The following DCLK1 variants were observed in gnomAD, a reference collection of about 807,000 sequenced individuals.
DCLK1 encodes doublecortin like kinase 1.
In DCLK1, 16 loss-of-function variants were observed where a neutral mutation model predicts 86.2. That is an observed-to-expected ratio of 0.19 (90% CI 0.13 to 0.28). The LOEUF (loss-of-function observed/expected upper bound fraction) is 0.28, where lower values mean the gene tolerates loss of function less well. DCLK1 is among the 10% of genes least tolerant of loss of function. DCLK1 has a pLI of 1.00. For synonymous variants in DCLK1, 369 were observed against 370.5 expected (o/e 1.00, Z 0.05); for missense variants, 590 against 940.2 (o/e 0.63, Z 4.87).
intron 4 of DCLK1, among the ~76,000 whole-genome samples, chr13:35,945,135 G>A (rs1877298488): frequency 6.6e-6 from 1 of 152,102 alleles, no homozygotes; most frequent in East Asian, 1.9e-4. Flanking sequence ...CCCAACCTCA[G>A]GTGATCTGCC....
rs777661116 is a variant in DCLK1, at chr13:35,894,538, G to A, written c.824-23198C>T. Among the ~76,000 whole-genome samples, 8 of 58,498 alleles carry A rather than the reference G, an allele frequency of 1.4e-4. 1 individual carries two copies. The highest frequency in any genetic ancestry group is 2.6e-4 in the Non-Finnish European group (8 of 30,374). 38.4% of individuals were successfully genotyped at this position (58,498 alleles called of 152,430 possible). On this transcript the variant is annotated intron_variant, in intron 4 of 16. Transcript: ENST00000360631. Reference sequence around the variant, plus strand: ...CTCTGCTACACAATCTTATCTTTGAGCAGTGCCTAGAGGCAGGGTGTAAGA... The same window carrying A: ...CTCTGCTACACAATCTTATCTTTGAACAGTGCCTAGAGGCAGGGTGTAAGA...
intron 3 of DCLK1, among the ~76,000 whole-genome samples, chr13:36,023,982 G>T (rs573822258): frequency 7.1e-6 from 1 of 141,124 alleles, no homozygotes; most frequent in African/African-American, 2.6e-5. Flanking sequence ...TGCAACCTCC[G>T]CCTTCTGGTT....
At chr13:35,813,420 C>A (rs111809124) in intron 11 of DCLK1, among the ~76,000 whole-genome samples, 4,605 of 152,232 alleles carry the variant, frequency 0.03, 84 homozygotes, top group African/African-American at 0.045. Context: ...CCTTGTAATT[C>A]TCCTATATGT....
intron 2 of DCLK1, among the ~76,000 whole-genome samples, chr13:36,125,516 A>G (rs1886138074): frequency 6.6e-6 from 1 of 152,252 alleles, no homozygotes; most frequent in African/African-American, 2.4e-5. Context: ...TGAGAAAGAA[A>G]ATAGAGAATG....
chr13:35,802,331 C>CA (rs34124656), intron 15 of DCLK1, among the ~76,000 whole-genome samples: 10,540 of 97,396 alleles, frequency 0.11, 480 homozygotes, highest in Admixed American at 0.19. Context: ...GACCCTGTCT[C>CA]AAAAAAAAAA....
At chr13:35,903,792 T>C (rs1874524058) in intron 4 of DCLK1, among the ~76,000 whole-genome samples, 1 of 152,086 alleles carries the variant, frequency 6.6e-6, no homozygotes, top group South Asian at 2.1e-4. Flanking sequence ...CAGACCAACA[T>C]AATTTCTTTA....
chr13:35,860,439 G>A (rs923049845), intron 5 of DCLK1, among the ~76,000 whole-genome samples: 1 of 152,030 alleles, frequency 6.6e-6, no homozygotes, highest in Non-Finnish European at 1.5e-5. Context: ...TAGGTGAGGT[G>A]GAGCTCTGAT....
At chr13:36,055,646 C>A (rs1419930549) in intron 3 of DCLK1, among the ~76,000 whole-genome samples, 1 of 152,148 alleles carries the variant, frequency 6.6e-6, no homozygotes, top group Non-Finnish European at 1.5e-5. Context: ...AATTCAGACA[C>A]CACACTGTCA....
chr13:35,905,179 T>A (rs1045003916), intron 4 of DCLK1, among the ~76,000 whole-genome samples: 21 of 152,302 alleles, frequency 1.4e-4, no homozygotes, highest in Admixed American at 1.3e-3. Flanking sequence ...TGGCCTTATG[T>A]TGCCTTGTGG....
intron 4 of DCLK1, among the ~76,000 whole-genome samples, chr13:35,912,805 A>C (rs1794715717): frequency 1.3e-5 from 2 of 152,146 alleles, no homozygotes; most frequent in Non-Finnish European, 1.5e-5. Flanking sequence ...CTATGAGGCA[A>C]GTCCACTGAG....
chr13:36,085,818 C>A (rs1356006437), intron 3 of DCLK1, among the ~76,000 whole-genome samples: 1 of 151,680 alleles, frequency 6.6e-6, no homozygotes, highest in Non-Finnish European at 1.5e-5. Context: ...AAGAGACCCC[C>A]TGACTCCTGA....
At chr13:36,113,437 G>A (rs1885679535) in intron 2 of DCLK1, among the ~76,000 whole-genome samples, 1 of 152,062 alleles carries the variant, frequency 6.6e-6, no homozygotes, top group Admixed American at 6.5e-5. Context: ...CTATTCACCT[G>A]GCAGATCATG....
intron 3 of DCLK1, among the ~76,000 whole-genome samples, chr13:36,004,573 TTTGTTG>T (rs1333733363): frequency 6.6e-6 from 1 of 152,054 alleles, no homozygotes; most frequent in Non-Finnish European, 1.5e-5. Flanking sequence ...TCACAAGTTT[TTTGTTG>T]TTGTTGTTGT....
At chr13:35,883,541 A>C (rs529804895) in intron 4 of DCLK1, among the ~76,000 whole-genome samples, 6 of 152,148 alleles carry the variant, frequency 3.9e-5, no homozygotes, top group Non-Finnish European at 8.8e-5. Flanking sequence ...ACTGTGATCC[A>C]AGTAAACTTT....
chr13:35,845,731 C>T (rs576431841), intron 6 of DCLK1, among the ~76,000 whole-genome samples: 100 of 152,268 alleles, frequency 6.6e-4, no homozygotes, highest in African/African-American at 2.4e-3. Flanking sequence ...ATACTTTAGA[C>T]GTTATGTGGT....
At chr13:36,024,337 C>A (rs1254597925) in intron 3 of DCLK1, among the ~76,000 whole-genome samples, 2 of 152,112 alleles carry the variant, frequency 1.3e-5, no homozygotes, top group Non-Finnish European at 2.9e-5. Context: ...TCTGGAAAAT[C>A]CTAAGGAATT....
In DCLK1 at chr13:36,004,258, A is replaced by T. The variant is rs145029740; in HGVS notation, c.724-56801T>A. Among the ~76,000 whole-genome samples the T allele has an allele frequency of 2.0e-3, 304 of 152,324 alleles. 1 individual carries two copies. The highest frequency in any genetic ancestry group is 2.9e-3 in the Non-Finnish European group (199 of 68,034). ...TCTGCATTTCCAGAGACTATCTAAA[A>T]ATGGAGCTCCTAGCACATTTTACAA... On this transcript the variant is annotated intron_variant, in intron 3 of 16. Coordinates refer to ENST00000360631, the MANE Select transcript of DCLK1 (RefSeq NM_001330071.2).
At chr13:36,079,004 A>G (rs1884320533) in intron 3 of DCLK1, among the ~76,000 whole-genome samples, 1 of 152,124 alleles carries the variant, frequency 6.6e-6, no homozygotes, top group Non-Finnish European at 1.5e-5. Flanking sequence ...GGGAGAGAAA[A>G]TCAACCAATG....
rs1411286253 is a variant in DCLK1, at chr13:35,970,762, A to G, written c.724-23305T>C. On this transcript the variant is annotated intron_variant, in intron 3 of 16. Coordinates refer to ENST00000360631, the MANE Select transcript of DCLK1 (RefSeq NM_001330071.2). Reference sequence around the variant, plus strand: ...AATTTCTATTCTTTATAAATTACTCAGCCTCGGGTATTCTGTTATAGCAGC... The same window carrying G: ...AATTTCTATTCTTTATAAATTACTCGGCCTCGGGTATTCTGTTATAGCAGC... Among the ~76,000 whole-genome samples the G allele has an allele frequency of 2.0e-5, 3 of 152,212 alleles. No homozygotes were observed. In the East Asian group the frequency reaches 5.8e-4, roughly 29 times the overall value.
Sources: allele counts gnomAD v4.1 joint callset (sites outside exome capture counted in the v4.1 genomes callset), GRCh38; gene constraint gnomAD v4.1.1; transcripts MANE v1.5; gene names NCBI Gene and HGNC (gene_info 2026-07-23, HGNC 2026-07-21).